Variants in OGT observed in about 807,000 individuals in gnomAD.
The protein encoded by OGT is O-linked N-acetylglucosamine (GlcNAc) transferase, also known as UDP-N-acetylglucosamine--peptide N-acetylglucosaminyltransferase 110 kDa subunit.
A neutral mutation model predicts 75.8 loss-of-function variants in OGT; 3 were observed. The observed-to-expected ratio is 0.04, with a 90% CI of 0.02 to 0.10. The LOEUF (loss-of-function observed/expected upper bound fraction) is 0.10. Ranked by LOEUF, OGT falls within the 10% of genes least tolerant of loss-of-function variation. The probability of loss-of-function intolerance (pLI) is 1.00; values close to 1 mark genes in which losing one functional copy is unlikely to be tolerated. For synonymous variants in OGT, 257 were observed against 289.7 expected, an observed-to-expected ratio of 0.89 and a Z score of 1.15; for missense variants, 260 against 824.4, an observed-to-expected ratio of 0.32 and a Z score of 8.38.
At position 71,561,793 on chromosome X, in the gene OGT, G is replaced by A; in HGVS notation, c.1870G>A (p.Ala624Thr). The A allele has an allele frequency of 8.3e-7, 1 of 1,200,533 alleles. No homozygotes were observed. Among genetic ancestry groups the A allele is most frequent in the Non-Finnish European group, 1.1e-6 (1 of 888,409 alleles). Residue 624 changes from alanine to threonine, a missense_variant, in exon 15 of 22, where the codon GCA (alanine) becomes ACA (threonine). By Grantham distance (58) the Ala-to-Thr change is moderately conservative (BLOSUM62 0). Coordinates refer to ENST00000373719, the MANE Select transcript of OGT (RefSeq NM_181672.3). ...TCTGTAGATTCCATGCAATGGAAAA[G>A]CAGCTGATCGCATCCATCAGGATGG... ...DLSQIPCNGK[A>T]ADRIHQDGIH...
chrX:71,561,771 G>T lies in OGT; in HGVS notation c.1852-4G>T. On this transcript the variant is annotated splice_region_variant and splice_polypyrimidine_tract_variant and intron_variant, in intron 14 of 21. Transcript: ENST00000373719. ...ATAGTGAGTTCTTATTTTGTATTCT[G>T]TAGATTCCATGCAATGGAAAAGCAG... The T allele has an allele frequency of 8.4e-7, 1 of 1,191,869 alleles. No homozygotes were observed. The highest frequency in any genetic ancestry group is 1.1e-6 in the Non-Finnish European group (1 of 884,221).
intron 1 of OGT, 88 bp from the exon 2 acceptor site, chrX:71,536,090 T>C: frequency 1.3e-6 from 1 of 789,977 alleles, no homozygotes; most frequent in Middle Eastern, 3.0e-4. Context: ...TTAAGTTAAA[T>C]ATACCATATT....
intron 4 of OGT, 22 bp downstream of exon 4, chrX:71,544,657 T>C: frequency 8.7e-7 from 1 of 1,152,898 alleles, no homozygotes; most frequent in African/African-American, 1.8e-5. Context: ...ATAGAACACA[T>C]TTAAACATCA....
chrX:71,540,381 C>T (rs2040209056), intron 3 of OGT, among the ~76,000 whole-genome samples: 1 of 112,142 alleles, frequency 8.9e-6, no homozygotes, highest in African/African-American at 3.2e-5. Context: ...GTACCTGAAT[C>T]ATAGATGTAG....
Position 71,558,706 on chromosome X carries a change from G to C in OGT, c.1603-561G>C, listed in dbSNP as rs1182865288. Among the ~76,000 whole-genome samples the C allele has an allele frequency of 1.0e-4, 11 of 109,335 alleles. No homozygotes were observed. In the Admixed American group the frequency reaches 1.1e-3, roughly 11 times the overall value. 94.9% of individuals were successfully genotyped at this position (109,335 alleles called of 115,157 possible). ...TCCCTATAGAATTTTCTAAAATGCG[G>C]GAGGAAACCATGCTCTGTCCATACT... is the stretch of plus-strand genomic sequence containing the variant. On this transcript the variant is annotated intron_variant, in intron 12 of 21. Coordinates refer to ENST00000373719, the MANE Select transcript of OGT (RefSeq NM_181672.3).
intron 3 of OGT, among the ~76,000 whole-genome samples, chrX:71,542,631 A>C (rs1303736746): frequency 8.9e-6 from 1 of 111,767 alleles, no homozygotes; most frequent in Non-Finnish European, 1.9e-5. Flanking sequence ...TTGGAGAATT[A>C]TTGCAAGACT....
intron 21 of OGT, among the ~76,000 whole-genome samples, chrX:71,572,763 T>C (rs934344118): frequency 2.7e-5 from 3 of 111,858 alleles, no homozygotes; most frequent in African/African-American, 9.7e-5. Flanking sequence ...TGAGACTCTA[T>C]TTCAAAAATT....
chrX:71,556,156 A>G, intron 8 of OGT, 62 bp downstream of exon 8: 1 of 1,077,734 alleles, frequency 9.3e-7, no homozygotes, highest in Non-Finnish European at 1.3e-6. Context: ...AGTTAAGTTT[A>G]CCATCATCCA....
chrX:71,537,274 G>A (rs780935581), intron 2 of OGT, among the ~76,000 whole-genome samples: 1 of 107,734 alleles, frequency 9.3e-6, no homozygotes, highest in African/African-American at 3.4e-5. Flanking sequence ...GGCCAATGTG[G>A]TAGTTTTGTA....
At chrX:71,547,824 A>ACTTTTTTTTTT in intron 4 of OGT, 83 bp from the exon 5 acceptor site, 1 of 847,906 alleles carries the variant, frequency 1.2e-6, no homozygotes, top group Non-Finnish European at 1.5e-6. Flanking sequence ...CCTCCCCCCA[A>ACTTTTTTTTTT]TCTTTTTTTT....
At chrX:71,565,628 C>T (rs1438719236) in intron 19 of OGT, among the ~76,000 whole-genome samples, 6 of 112,226 alleles carry the variant, frequency 5.3e-5, no homozygotes, top group African/African-American at 1.9e-4. Context: ...TTTAAATTTA[C>T]ATATTCAAAG....
intron 12 of OGT, among the ~76,000 whole-genome samples, chrX:71,558,497 A>G (rs1298578362): frequency 1.8e-5 from 2 of 109,128 alleles, no homozygotes; most frequent in Non-Finnish European, 3.8e-5. Flanking sequence ...AGGAGCTAGG[A>G]TTACAGGCGT....
chrX:71,573,866 A>C lies in OGT; in HGVS notation c.*72A>C, dbSNP rs772548440. ...TCTGGGGGAAAGGGAACTAGATAAC[A>C]TACTTCTTACTTGTCTGTACAGTAC... On this transcript the variant is annotated 3_prime_UTR_variant, in exon 22 of 22. Transcript: ENST00000373719. 1.2e-6 allele frequency: 1 copy of C among 859,108 alleles called. No individual in the cohort carries two copies. Among genetic ancestry groups the C allele is most frequent in the Non-Finnish European group, 1.6e-6 (1 of 621,444 alleles). 70.8% of individuals were successfully genotyped at this position (859,108 alleles called of 1,213,427 possible).
chrX:71,563,765 T>G lies in OGT; in HGVS notation c.2436+266T>G, dbSNP rs1163018939. On this transcript the variant is annotated intron_variant, in intron 18 of 21. Transcript: ENST00000373719. ...GGCTTTACTCTCTTACATGATGAAC[T>G]ATGTGTAGATTCCATACAGTTTCTT... Among the ~76,000 whole-genome samples the G allele has an allele frequency of 8.0e-5, 9 of 112,189 alleles. No individual in the cohort carries two copies. In the Admixed American group the frequency reaches 8.5e-4, roughly 11 times the overall value.
chrX:71,572,291 T>G (rs1181185744), intron 21 of OGT, among the ~76,000 whole-genome samples: 3 of 112,380 alleles, frequency 2.7e-5, no homozygotes, highest in Non-Finnish European at 5.6e-5. Context: ...TCATCAAGTT[T>G]ATTTCTTTTG....
intron 5 of OGT, among the ~76,000 whole-genome samples, chrX:71,554,028 G>A (rs1276447336): frequency 4.5e-5 from 5 of 111,958 alleles, no homozygotes; most frequent in Non-Finnish European, 9.4e-5. Flanking sequence ...ATGACACCGT[G>A]TAATGGTTAG....
chrX:71,539,866 A>T (rs2040205463), intron 3 of OGT, among the ~76,000 whole-genome samples: 1 of 112,040 alleles, frequency 8.9e-6, no homozygotes. Context: ...CCCTTGGCTC[A>T]GGTTTCCAGT....
intron 8 of OGT, 126 bp downstream of exon 8, chrX:71,556,220 G>A (rs1434581745): frequency 1.0e-5 from 8 of 765,260 alleles, no homozygotes; most frequent in Non-Finnish European, 1.5e-5. Flanking sequence ...ATTCATTGAA[G>A]TAACAATTGA....
At chrX:71,561,027 A>G in intron 14 of OGT, among the ~76,000 whole-genome samples, 1 of 109,687 alleles carries the variant, frequency 9.1e-6, no homozygotes. Flanking sequence ...TCCCAGGTTC[A>G]AGCGATTCTC....
Sources: allele counts gnomAD v4.1 joint callset (sites outside exome capture counted in the v4.1 genomes callset), GRCh38; gene constraint gnomAD v4.1.1; transcripts MANE v1.5; gene names NCBI Gene and HGNC (gene_info 2026-07-23, HGNC 2026-07-21).